Variants in ACOXL observed in about 807,000 individuals in gnomAD.
ACOXL encodes acyl-CoA oxidase like, also known as acyl-coenzyme A oxidase-like protein.
A neutral mutation model predicts 71.9 loss-of-function variants in ACOXL; 70 were observed. The ratio of observed to expected loss-of-function variants is 0.97; its 90% CI spans 0.80 to 1.19. The LOEUF (loss-of-function observed/expected upper bound fraction) is 1.19. Among genes scored for constraint, ACOXL ranks in the 50% most tolerant of loss-of-function variants. The pLI is 0.00. For synonymous variants in ACOXL, 253 were observed against 281.6 expected (o/e 0.90, Z 1.02); for missense variants, 703 against 736.3 (o/e 0.95, Z 0.52).
chr2:110,979,621 G>A (rs762183959), intron 12 of ACOXL, among the ~76,000 whole-genome samples: 2 of 152,220 alleles, frequency 1.3e-5, no homozygotes, highest in Non-Finnish European at 2.9e-5. Flanking sequence ...GACGGGAAGA[G>A]CACAGGGGGT....
chr2:111,087,673 A>G (rs1354300078), intron 16 of ACOXL, among the ~76,000 whole-genome samples: 2 of 152,256 alleles, frequency 1.3e-5, no homozygotes, highest in African/African-American at 2.4e-5. Flanking sequence ...GATGGATTAA[A>G]GACTTAAATG....
intron 11 of ACOXL, 140 bp from the exon 12 acceptor site, chr2:110,933,349 C>CT: frequency 1.9e-6 from 2 of 1,046,728 alleles, no homozygotes; most frequent in Non-Finnish European, 2.7e-6. Flanking sequence ...TTTTTAGTGA[C>CT]TATCTACAGT....
At chr2:110,884,258 G>A (rs1327642867) in intron 10 of ACOXL, among the ~76,000 whole-genome samples, 1 of 152,216 alleles carries the variant, frequency 6.6e-6, no homozygotes, top group East Asian at 1.9e-4. Context: ...TAAAGAAGAT[G>A]AGAACTATCT....
intron 10 of ACOXL, among the ~76,000 whole-genome samples, chr2:110,880,314 C>A (rs927490232): frequency 6.6e-6 from 1 of 152,176 alleles, no homozygotes; most frequent in Admixed American, 6.5e-5. Context: ...TCACAGGGAG[C>A]AAGTATCCTT....
intron 1 of ACOXL, among the ~76,000 whole-genome samples, chr2:110,764,552 G>A (rs766447422): frequency 1.4e-4 from 22 of 152,144 alleles, no homozygotes; most frequent in Admixed American, 9.8e-4. Flanking sequence ...AAGCTACTCC[G>A]TATGATACTA....
At chr2:110,798,106 G>A (rs1685488485) in intron 5 of ACOXL, among the ~76,000 whole-genome samples, 1 of 152,106 alleles carries the variant, frequency 6.6e-6, no homozygotes. Flanking sequence ...AGCTGAGGTG[G>A]AGGTGAAATA....
chr2:110,826,419 G>A (rs986775098), intron 9 of ACOXL, among the ~76,000 whole-genome samples: 4 of 152,152 alleles, frequency 2.6e-5, no homozygotes, highest in African/African-American at 9.7e-5. Flanking sequence ...CCACAAAATG[G>A]GAAGAGTCAT....
intron 10 of ACOXL, among the ~76,000 whole-genome samples, chr2:110,901,791 C>A (rs964850518): frequency 1.1e-4 from 17 of 151,914 alleles, no homozygotes; most frequent in Admixed American, 1.1e-3. Flanking sequence ...TTTTGGAGGC[C>A]GAGGTGGGTG....
At chr2:110,879,300 C>G (rs1160370611) in intron 10 of ACOXL, among the ~76,000 whole-genome samples, 1 of 152,184 alleles carries the variant, frequency 6.6e-6, no homozygotes, top group Admixed American at 6.5e-5. Flanking sequence ...CACACCAGGA[C>G]AGCAGCTGGA....
intron 9 of ACOXL, among the ~76,000 whole-genome samples, chr2:110,825,838 C>A (rs143283735): frequency 0.012 from 1,839 of 152,214 alleles, 21 homozygotes; most frequent in Non-Finnish European, 0.016. Context: ...GAAAAATATT[C>A]ATTTATTTGG....
chr2:110,837,475 T>C (rs1690600186), intron 9 of ACOXL, among the ~76,000 whole-genome samples: 1 of 152,192 alleles, frequency 6.6e-6, no homozygotes, highest in African/African-American at 2.4e-5. Flanking sequence ...TTAAAAATTA[T>C]TATTATTTTA....
At chr2:111,091,891 A>G (rs1307363007) in intron 16 of ACOXL, among the ~76,000 whole-genome samples, 2 of 152,136 alleles carry the variant, frequency 1.3e-5, no homozygotes, top group East Asian at 3.8e-4. Flanking sequence ...CAGGGTCTGC[A>G]TGACTGTGAA....
chr2:110,927,738 C>T (rs1024110196), intron 11 of ACOXL, among the ~76,000 whole-genome samples: 23 of 152,212 alleles, frequency 1.5e-4, no homozygotes, highest in Admixed American at 5.9e-4. Flanking sequence ...CACCTAGTAG[C>T]GTCTGGCTCT....
At chr2:110,756,080 G>A (rs915900729) in intron 1 of ACOXL, among the ~76,000 whole-genome samples, 2 of 152,116 alleles carry the variant, frequency 1.3e-5, no homozygotes, top group African/African-American at 4.8e-5. Context: ...TAAGGAATTC[G>A]GGTGTTAATA....
Position 110,799,062 on chromosome 2 carries a change from AC to A in ACOXL, c.512del (p.Pro171GlnfsTer8). 1.2e-6 allele frequency: 2 copies of A among 1,613,904 alleles called. No homozygotes were observed. Among genetic ancestry groups the A allele is most frequent in the Non-Finnish European group, 1.7e-6 (2 of 1,179,886 alleles). On this transcript the variant is annotated frameshift_variant, in exon 7 of 18. Transcript: ENST00000439055. LOFTEE classifies it high-confidence loss of function. ...GTCCGGGATGAAAACGGAAGCTTGT[AC>A]CCAGGAGTCACAGCTATTGATATGA... Reference protein sequence around the residue: ...VPVRDENGSLYPGVTAIDMMY... With the variant: ...VPVRDENGSLXPGVTAIDMMY...
At chr2:110,882,837 A>G (rs1696824832) in intron 10 of ACOXL, among the ~76,000 whole-genome samples, 1 of 152,162 alleles carries the variant, frequency 6.6e-6, no homozygotes, top group Non-Finnish European at 1.5e-5. Context: ...GTCAATTTTG[A>G]TAGTGCATAT....
chr2:110,779,279 T>C (rs1016223471), intron 2 of ACOXL, among the ~76,000 whole-genome samples: 1 of 152,206 alleles, frequency 6.6e-6, no homozygotes, highest in African/African-American at 2.4e-5. Flanking sequence ...GCTGGCCTAC[T>C]ATGTGGCCCC....
chr2:111,098,738 T>C (rs2068951181), intron 17 of ACOXL: 1 of 152,166 alleles, frequency 6.6e-6, no homozygotes, highest in African/African-American at 2.4e-5. Flanking sequence ...TTTCTGTAAA[T>C]TTGAAAGTAT....
chr2:110,892,068 T>G (rs1697989103), intron 10 of ACOXL, among the ~76,000 whole-genome samples: 1 of 152,208 alleles, frequency 6.6e-6, no homozygotes. Context: ...ATAAATTGCT[T>G]TTGTCACAGG....
Sources: gnomAD v4.1 joint callset for allele counts (sites outside exome capture counted in the v4.1 genomes callset) on GRCh38, gnomAD v4.1.1 for gene constraint, MANE v1.5 for transcripts, NCBI Gene and HGNC (gene_info 2026-07-23, HGNC 2026-07-21) for gene names.